Variants in GLDC observed in about 807,000 individuals in gnomAD.
The protein encoded by GLDC is glycine decarboxylase, also known as glycine dehydrogenase (decarboxylating), mitochondrial.
Under a neutral mutation model 121.3 loss-of-function variants are expected in GLDC, and 104 were observed. That is an observed-to-expected ratio of 0.86 (90% CI 0.73 to 1.01). GLDC has a LOEUF of 1.01. Ranked by LOEUF, GLDC falls within the 50% of genes least tolerant of loss-of-function variation. The probability of loss-of-function intolerance (pLI) is 0.00; values close to 1 mark genes in which losing one functional copy is unlikely to be tolerated. For synonymous variants in GLDC, 546 were observed against 480.6 expected (o/e 1.14, Z -1.78); for missense variants, 1,429 against 1,306.6 (o/e 1.09, Z -1.44).
At chr9:6,554,835 C>T in intron 18 of GLDC, 54 bp from the exon 19 acceptor site, 1 of 1,340,124 alleles carries the variant, frequency 7.5e-7, no homozygotes, top group Middle Eastern at 1.8e-4. Flanking sequence ...AAGCACCCTC[C>T]AGTGTGAAGG....
intron 8 of GLDC, among the ~76,000 whole-genome samples, chr9:6,600,541 T>A (rs956631887): frequency 1.3e-5 from 2 of 151,920 alleles, no homozygotes; most frequent in Non-Finnish European, 2.9e-5. Flanking sequence ...CTGGGTGTGG[T>A]GGCCTGTAAT....
At chr9:6,573,563 C>A (rs566580942) in intron 15 of GLDC, among the ~76,000 whole-genome samples, 1 of 151,718 alleles carries the variant, frequency 6.6e-6, no homozygotes, top group African/African-American at 2.4e-5. Context: ...AAAAAGCGAC[C>A]CCCATCCATC....
At chr9:6,584,495 C>G (rs1158106184) in intron 15 of GLDC, among the ~76,000 whole-genome samples, 1 of 152,180 alleles carries the variant, frequency 6.6e-6, no homozygotes, top group Non-Finnish European at 1.5e-5. Context: ...ATGTGTCACC[C>G]ACTTGTGCAG....
rs758029533 is a variant in GLDC, at chr9:6,536,104, A to G, written c.2798T>C (p.Ile933Thr). Residue 933 changes from isoleucine to threonine, a missense_variant, in exon 23 of 25, where the codon ATT (isoleucine) becomes ACT (threonine). By Grantham distance (89) the Ile-to-Thr change is moderately conservative. Transcript: ENST00000321612. ...MISIRQEIADIEEGRIDPRVN... is the reference protein window; with the variant it reads ...MISIRQEIADTEEGRIDPRVN... Reference sequence around the variant, plus strand: ...CCTGGGGTCGATGCGGCCCTCCTCAATGTCAGCAATTTCCTGCCGAATGCT... The same window carrying G: ...CCTGGGGTCGATGCGGCCCTCCTCAGTGTCAGCAATTTCCTGCCGAATGCT... 6.2e-6 allele frequency: 10 copies of G among 1,614,108 alleles called. No homozygotes were observed. Among genetic ancestry groups the G allele is most frequent in the Admixed American group, 3.3e-5 (2 of 60,012 alleles).
At chr9:6,593,986 C>T (rs1348227005) in intron 9 of GLDC, among the ~76,000 whole-genome samples, 2 of 152,034 alleles carry the variant, frequency 1.3e-5, no homozygotes, top group African/African-American at 4.8e-5. Flanking sequence ...AGCCACTGTG[C>T]CTGGCCTATT....
At position 6,554,653 on chromosome 9, in the gene GLDC, G is replaced by A; in HGVS notation, c.2315+16C>T. 1.9e-6 allele frequency: 3 copies of A among 1,554,908 alleles called. No individual in the cohort carries two copies. The highest frequency in any genetic ancestry group is 2.7e-6 in the Non-Finnish European group (3 of 1,128,960). ...TGTCTCCAAAGCCATCCTGAAACCA[G>A]CAGCCCAGAACTTACACTCCGATGG... On this transcript the variant is annotated intron_variant, in intron 19 of 24. Transcript: ENST00000321612.
Position 6,538,329 on chromosome 9 carries a change from T to G in GLDC, c.2665+1722A>C, listed in dbSNP as rs577739581. On this transcript the variant is annotated intron_variant, in intron 22 of 24. Coordinates refer to ENST00000321612, the MANE Select transcript of GLDC (RefSeq NM_000170.3). ...TGAGTCATAAAACATGCCAGGTGAT[T>G]CTGATAATTGGTCTGATAATTAGCC... Among the ~76,000 whole-genome samples, 29 of 152,298 alleles carry G rather than the reference T, an allele frequency of 1.9e-4. 1 individual carries two copies. The South Asian group carries it at 3.7e-3, about 20-fold the overall frequency.
chr9:6,606,158 A>G (rs983313698), intron 5 of GLDC: 1 of 200,120 alleles, frequency 5.0e-6, no homozygotes, highest in Non-Finnish European at 1.0e-5. Flanking sequence ...ATAGAAAAAA[A>G]ATTAGCCAGG....
chr9:6,556,040 C>G, intron 18 of GLDC, 113 bp downstream of exon 18: 1 of 790,208 alleles, frequency 1.3e-6, no homozygotes, highest in Non-Finnish European at 2.1e-6. Context: ...GTGGTCAGGT[C>G]GTGGGTCTGA....
intron 2 of GLDC, among the ~76,000 whole-genome samples, chr9:6,625,923 G>C (rs1325587635): frequency 6.6e-6 from 1 of 151,988 alleles, no homozygotes; most frequent in African/African-American, 2.4e-5. Flanking sequence ...ATTCAGGAAA[G>C]TCATGGAGGT....
intron 8 of GLDC, among the ~76,000 whole-genome samples, chr9:6,599,736 A>C (rs972806204): frequency 6.8e-6 from 1 of 147,414 alleles, no homozygotes; most frequent in Non-Finnish European, 1.5e-5. Context: ...AAAAAAAAAC[A>C]ACCAAAAAAA....
At chr9:6,564,997 C>T (rs1371271677) in intron 16 of GLDC, among the ~76,000 whole-genome samples, 1 of 152,216 alleles carries the variant, frequency 6.6e-6, no homozygotes, top group African/African-American at 2.4e-5. Flanking sequence ...ATGGTCTCTG[C>T]CCTTCATCCA....
At chr9:6,606,462 C>T (rs917478755) in intron 5 of GLDC, 130 bp downstream of exon 5, 8 of 735,040 alleles carry the variant, frequency 1.1e-5, no homozygotes, top group African/African-American at 1.0e-4. Context: ...AACTCAGCAA[C>T]CCCAATTTAA....
chr9:6,627,014 G>A (rs1475176841), intron 2 of GLDC, among the ~76,000 whole-genome samples: 1 of 152,090 alleles, frequency 6.6e-6, no homozygotes, highest in African/African-American at 2.4e-5. Context: ...CAAACTAGTG[G>A]GCCGGGCGTG....
chr9:6,583,756 G>A (rs1188067950), intron 15 of GLDC, among the ~76,000 whole-genome samples: 3 of 152,168 alleles, frequency 2.0e-5, no homozygotes, highest in African/African-American at 4.8e-5. Context: ...AGTGAAATAA[G>A]CCAGACACAA....
chr9:6,631,708 C>G (rs1819382866), intron 2 of GLDC, among the ~76,000 whole-genome samples: 1 of 152,200 alleles, frequency 6.6e-6, no homozygotes, highest in Non-Finnish European at 1.5e-5. Flanking sequence ...GAAGGGAAGA[C>G]TGTGTCCTAA....
chr9:6,642,084 C>A (rs539240265), intron 2 of GLDC, among the ~76,000 whole-genome samples: 1 of 152,312 alleles, frequency 6.6e-6, no homozygotes, highest in Non-Finnish European at 1.5e-5. Flanking sequence ...ACTCTCCCAA[C>A]ACCCCCAGCT....
intron 5 of GLDC, chr9:6,605,505 C>T: frequency 1.7e-6 from 1 of 583,988 alleles, no homozygotes; most frequent in Non-Finnish European, 3.1e-6. Flanking sequence ...CTCTGACTCC[C>T]CTTTGCCCTT....
chr9:6,554,845 G>A, intron 18 of GLDC, 64 bp from the exon 19 acceptor site: 1 of 1,174,662 alleles, frequency 8.5e-7, no homozygotes, highest in Non-Finnish European at 1.3e-6. Context: ...CAGTGTGAAG[G>A]CCATGGCTGG....
Sources: allele counts gnomAD v4.1 joint callset (sites outside exome capture counted in the v4.1 genomes callset), GRCh38; gene constraint gnomAD v4.1.1; transcripts MANE v1.5; gene names NCBI Gene and HGNC (gene_info 2026-07-23, HGNC 2026-07-21).